RORA: variants seen among roughly 807,000 people sequenced by gnomAD.
The protein encoded by RORA is nuclear receptor ROR-alpha.
Under a neutral mutation model 69.5 loss-of-function variants are expected in RORA, and 7 were observed. That is an observed-to-expected ratio of 0.10 (90% CI 0.06 to 0.19). The LOEUF (loss-of-function observed/expected upper bound fraction) is 0.19, where lower values mean the gene tolerates loss of function less well. Ranked by LOEUF, RORA falls within the 10% of genes least tolerant of loss-of-function variation. The pLI is 1.00. For synonymous variants in RORA, 261 were observed against 240.8 expected (o/e 1.08, Z -0.78); for missense variants, 457 against 663.0 (o/e 0.69, Z 3.41).
chr15:60,643,153 T>C (rs1047555811), intron 2 of RORA, among the ~76,000 whole-genome samples: 2 of 152,176 alleles, frequency 1.3e-5, no homozygotes, highest in Non-Finnish European at 2.9e-5. Context: ...GAGCGAAACT[T>C]GGTCTCAAAA....
intron 1 of RORA, among the ~76,000 whole-genome samples, chr15:61,063,135 G>A (rs1317047266): frequency 1.3e-5 from 2 of 152,148 alleles, no homozygotes; most frequent in Non-Finnish European, 2.9e-5. Context: ...ATCAGGACAC[G>A]CCACTTAATG....
intron 1 of RORA, among the ~76,000 whole-genome samples, chr15:61,135,449 C>T (rs940456291): frequency 1.3e-5 from 2 of 152,042 alleles, no homozygotes; most frequent in East Asian, 3.8e-4. Context: ...ACAGCAAGTG[C>T]AGACACAAAC....
At chr15:60,914,078 T>C (rs1039110183) in intron 1 of RORA, among the ~76,000 whole-genome samples, 1 of 152,182 alleles carries the variant, frequency 6.6e-6, no homozygotes, top group Non-Finnish European at 1.5e-5. Context: ...TGCACTCCAT[T>C]GACTGGGAAG....
intron 3 of RORA, among the ~76,000 whole-genome samples, chr15:60,524,438 G>T (rs567490964): frequency 6.6e-6 from 1 of 152,316 alleles, no homozygotes; most frequent in Admixed American, 6.5e-5. Flanking sequence ...ATGACCAAGC[G>T]TAAACTTCTA....
chr15:60,862,656 C>T (rs754827377), intron 1 of RORA, among the ~76,000 whole-genome samples: 1 of 152,134 alleles, frequency 6.6e-6, no homozygotes, highest in Non-Finnish European at 1.5e-5. Flanking sequence ...GAAAAAGAAG[C>T]GCTTGTATGA....
intron 1 of RORA, among the ~76,000 whole-genome samples, chr15:60,926,385 GC>G (rs1892218962): frequency 6.6e-6 from 1 of 152,164 alleles, no homozygotes; most frequent in East Asian, 1.9e-4. Context: ...TCCCCAACAG[GC>G]CCATGGACTC....
At chr15:60,507,890 C>T (rs1393925941) in intron 5 of RORA, among the ~76,000 whole-genome samples, 1 of 152,132 alleles carries the variant, frequency 6.6e-6, no homozygotes, top group African/African-American at 2.4e-5. Context: ...TGTGGTTTCA[C>T]TTTGTCTTAA....
At chr15:60,597,078 A>G (rs1471996444) in intron 2 of RORA, among the ~76,000 whole-genome samples, 1 of 152,176 alleles carries the variant, frequency 6.6e-6, no homozygotes, top group Non-Finnish European at 1.5e-5. Context: ...CTAAAGGTGT[A>G]ACATGTCTGG....
intron 1 of RORA, among the ~76,000 whole-genome samples, chr15:61,202,473 A>G (rs1000389323): frequency 1.3e-5 from 2 of 152,198 alleles, no homozygotes; most frequent in African/African-American, 4.8e-5. Context: ...GGCTAGAATC[A>G]AAGCAAAAAG....
chr15:61,008,036 T>C (rs1272323944), intron 1 of RORA, among the ~76,000 whole-genome samples: 1 of 151,974 alleles, frequency 6.6e-6, no homozygotes, highest in Non-Finnish European at 1.5e-5. Flanking sequence ...TTTCACTAGA[T>C]ACATTTCAAA....
At chr15:61,127,587 G>A (rs1031714802) in intron 1 of RORA, among the ~76,000 whole-genome samples, 1 of 152,122 alleles carries the variant, frequency 6.6e-6, no homozygotes, top group Admixed American at 6.5e-5. Context: ...GAAATGAATG[G>A]CAATCAACAC....
intron 1 of RORA, among the ~76,000 whole-genome samples, chr15:60,901,691 G>T (rs1891398013): frequency 7.9e-5 from 12 of 152,178 alleles, no homozygotes; most frequent in Admixed American, 7.9e-4. Flanking sequence ...TGAGATGCAT[G>T]AGCCTGTTGG....
chr15:60,969,587 T>C (rs1893652526), intron 1 of RORA, among the ~76,000 whole-genome samples: 1 of 152,138 alleles, frequency 6.6e-6, no homozygotes, highest in African/African-American at 2.4e-5. Flanking sequence ...GAGAAGGAGA[T>C]GAAGACAGGG....
chr15:61,181,940 C>T (rs886629378), intron 1 of RORA, among the ~76,000 whole-genome samples: 3 of 152,164 alleles, frequency 2.0e-5, no homozygotes, highest in Non-Finnish European at 2.9e-5. Flanking sequence ...TCCTTTCTTA[C>T]AGCCATCCAC....
rs778392421 is a variant in RORA, at chr15:61,226,453, G to A, written c.166+2600C>T. On this transcript the variant is annotated intron_variant, in intron 1 of 10. Coordinates refer to ENST00000335670, the MANE Select transcript of RORA (RefSeq NM_134261.3). The surrounding 1 kb of genome is among the most constrained non-coding windows in gnomAD (Gnocchi z 4.2). ...AATTTATGCAACATTAATACTGGAT[G>A]CCAGCTCCAATTTTCTTACTGCTTA... 2.6e-5 allele frequency among the ~76,000 whole-genome samples: 4 copies of A among 152,174 alleles called. No homozygotes were observed. The highest frequency in any genetic ancestry group is 5.9e-5 in the Non-Finnish European group (4 of 68,030).
At chr15:60,675,050 A>C (rs1270021114) in intron 2 of RORA, among the ~76,000 whole-genome samples, 1 of 152,170 alleles carries the variant, frequency 6.6e-6, no homozygotes, top group African/African-American at 2.4e-5. Flanking sequence ...CCATGATGCT[A>C]AACTTTCCAG....
intron 1 of RORA, among the ~76,000 whole-genome samples, chr15:60,766,459 C>G (rs1330077726): frequency 6.6e-6 from 1 of 152,208 alleles, no homozygotes; most frequent in Non-Finnish European, 1.5e-5. Context: ...GAGCTTCCTG[C>G]TGTCAAGCCC....
chr15:61,066,272 C>G (rs752048618), intron 1 of RORA, among the ~76,000 whole-genome samples: 1 of 151,914 alleles, frequency 6.6e-6, no homozygotes, highest in Non-Finnish European at 1.5e-5. Context: ...GTTCATTAGC[C>G]GTAATAACAC....
intron 1 of RORA, among the ~76,000 whole-genome samples, chr15:60,763,618 G>A (rs1000960454): frequency 2.6e-5 from 4 of 152,092 alleles, no homozygotes. Context: ...ACACACTTTA[G>A]CATGAACACA....
Sources: gnomAD v4.1 joint callset for allele counts (sites outside exome capture counted in the v4.1 genomes callset) on GRCh38, gnomAD v4.1.1 for gene constraint, Gnocchi (gnomAD v3.1) non-coding constraint, MANE v1.5 for transcripts, NCBI Gene and HGNC (gene_info 2026-07-23, HGNC 2026-07-21) for gene names.